The following C5orf15 variants were observed in gnomAD, a reference collection of about 807,000 sequenced individuals.
C5orf15 encodes the protein keratinocyte-associated transmembrane protein 2.
A neutral mutation model predicts 17.8 loss-of-function variants in C5orf15; 10 were observed. The observed-to-expected ratio is 0.56, with a 90% CI of 0.35 to 0.95. The LOEUF (loss-of-function observed/expected upper bound fraction) is 0.95, where lower values mean the gene tolerates loss of function less well. C5orf15 is among the 40% of genes least tolerant of loss of function. The pLI, the probability that C5orf15 is intolerant of heterozygous loss-of-function variation, is 0.02. For synonymous variants in C5orf15, 124 were observed against 131.0 expected, an observed-to-expected ratio of 0.95 and a Z score of 0.36; for missense variants, 319 against 331.7, an observed-to-expected ratio of 0.96 and a Z score of 0.30.
intron 2 of C5orf15, among the ~76,000 whole-genome samples, chr5:133,957,414 TA>T (rs1561573797): frequency 6.6e-6 from 1 of 151,990 alleles, no homozygotes; most frequent in Non-Finnish European, 1.5e-5. Context: ...TAAAGAAGGC[TA>T]AACAGTGCTT....
At position 133,955,757 on chromosome 5, in the gene C5orf15, T is replaced by G. The variant is rs1485754090; in HGVS notation, c.*1102A>C. 1 of 152,582 alleles carries G rather than the reference T, an allele frequency of 6.6e-6. No homozygotes were observed. Among genetic ancestry groups the G allele is most frequent in the Non-Finnish European group, 1.5e-5 (1 of 68,038 alleles). The allele number at this position is 152,582 out of a possible 1,614,324, so 9.5% of individuals were successfully genotyped here. On this transcript the variant is annotated 3_prime_UTR_variant, in exon 3 of 3. Transcript: ENST00000231512. Reference sequence around the variant, plus strand: ...TAACATATATTAGGGCTATGTTTTCTAAAAAGCTGTAGTGACACTTGTAAG... The same window carrying G: ...TAACATATATTAGGGCTATGTTTTCGAAAAAGCTGTAGTGACACTTGTAAG...
chr5:133,959,383 A>T, intron 2 of C5orf15, 111 bp downstream of exon 2: 1 of 723,966 alleles, frequency 1.4e-6, no homozygotes, highest in Non-Finnish European at 2.0e-6. Flanking sequence ...GACAGAGTGA[A>T]ACCCACTACA....
chr5:133,957,638 C>A (rs1752058509), intron 2 of C5orf15, among the ~76,000 whole-genome samples: 1 of 152,234 alleles, frequency 6.6e-6, no homozygotes. Flanking sequence ...ACTTACAAAG[C>A]TAGCAATATA....
intron 1 of C5orf15, among the ~76,000 whole-genome samples, chr5:133,963,901 C>T (rs1335733291): frequency 6.6e-6 from 1 of 152,128 alleles, no homozygotes; most frequent in Admixed American, 6.5e-5. Flanking sequence ...TCTACCTATA[C>T]CATAGAATAT....
Position 133,956,679 on chromosome 5 carries a change from C to A in C5orf15, c.*180G>T, listed in dbSNP as rs1250353642. The A allele has an allele frequency of 6.5e-6, 3 of 462,918 alleles. No homozygotes were observed. The highest frequency in any genetic ancestry group is 7.1e-6 in the Non-Finnish European group (2 of 280,556). 28.7% of individuals were successfully genotyped at this position (462,918 alleles called of 1,614,324 possible). On this transcript the variant is annotated 3_prime_UTR_variant, in exon 3 of 3. Transcript: ENST00000231512. ...ATTTTGGACACCTGATTAAACTCAG[C>A]TCTAAAAGTACAGATAAAAAATTAT...
intron 1 of C5orf15, 21 bp downstream of exon 1, chr5:133,968,425 C>G: frequency 6.2e-7 from 1 of 1,600,344 alleles, no homozygotes; most frequent in Non-Finnish European, 8.5e-7. Flanking sequence ...TTCCTAAGCC[C>G]ACACTGCCGC....
chr5:133,965,416 T>C (rs951118472), intron 1 of C5orf15, among the ~76,000 whole-genome samples: 1 of 152,154 alleles, frequency 6.6e-6, no homozygotes, highest in African/African-American at 2.4e-5. Context: ...AAACAAATAA[T>C]TGACCTGAAA....
At chr5:133,960,102 C>G in intron 1 of C5orf15, 82 bp from the exon 2 acceptor site, 1 of 1,191,596 alleles carries the variant, frequency 8.4e-7, no homozygotes, top group Non-Finnish European at 1.2e-6. Context: ...AAATTTTACA[C>G]TAAGCATTTC....
At position 133,956,532 on chromosome 5, in the gene C5orf15, C is replaced by G. The variant is rs566618405; in HGVS notation, c.*327G>C. ...TGTGAGTCAGCAGTAACAGATATGTCAGAATTTAGTTACAAGTTTGGGATC... is the reference window on the plus strand; with the variant it reads ...TGTGAGTCAGCAGTAACAGATATGTGAGAATTTAGTTACAAGTTTGGGATC... On this transcript the variant is annotated 3_prime_UTR_variant, in exon 3 of 3. Transcript: ENST00000231512. The G allele has an allele frequency of 2.3e-5, 4 of 171,646 alleles. No individual in the cohort carries two copies. The highest frequency in any genetic ancestry group is 4.9e-5 in the Non-Finnish European group (4 of 81,390). 10.6% of individuals were successfully genotyped at this position (171,646 alleles called of 1,614,324 possible).
rs541742390 is a variant in C5orf15, at chr5:133,964,756, A to AT, written c.139+3689dup. On this transcript the variant is annotated intron_variant, in intron 1 of 2. Coordinates refer to ENST00000231512, the MANE Select transcript of C5orf15 (RefSeq NM_020199.3). Reference sequence around the variant, plus strand: ...TAAAACTAAAAACCTTGGAGTTGTCATTTTTTTTAACATCCCACATCCAAT... The same window carrying AT: ...TAAAACTAAAAACCTTGGAGTTGTCATTTTTTTTTAACATCCCACATCCAAT... Among the ~76,000 whole-genome samples the AT allele has an allele frequency of 1.5e-3, 233 of 152,148 alleles. 1 individual carries two copies. Among genetic ancestry groups the AT allele is most frequent in the Admixed American group, 3.1e-3 (47 of 15,276 alleles).
chr5:133,958,576 CAAAAAAAAAAAAAAAAAA>C (rs71581378), intron 2 of C5orf15, among the ~76,000 whole-genome samples: 4 of 31,980 alleles, frequency 1.3e-4, no homozygotes, highest in Non-Finnish European at 2.8e-4. Flanking sequence ...AGCTCTGTCT[CAAAAAAAAAAAAAAAAAA>C]AAAAAAAAAA....
Position 133,959,823 on chromosome 5 carries a change from G to C in C5orf15, c.337C>G (p.Gln113Glu), listed in dbSNP as rs753588605. Residue 113 changes from glutamine (Q) to glutamate (E), a missense_variant, in exon 2 of 3, where the codon CAA becomes GAA. Transcript: ENST00000231512. ...TCTTCATTGTTATCAGCTTCCTCTT[G>C]AGACAGAGGAGTAGGCGAGGGATGA... ...VPHPSPTPLS[Q>E]EEADNNEDPS... The C allele has an allele frequency of 1.2e-6, 2 of 1,613,818 alleles. No individual in the cohort carries two copies. The highest frequency in any genetic ancestry group is 2.2e-5 in the South Asian group (2 of 91,060).
chr5:133,957,877 G>C (rs1456851766), intron 2 of C5orf15, among the ~76,000 whole-genome samples: 1 of 152,200 alleles, frequency 6.6e-6, no homozygotes, highest in African/African-American at 2.4e-5. Flanking sequence ...GTATTAAAAA[G>C]GAACTGTGTG....
rs1158315168 is a variant in C5orf15, at chr5:133,959,958, C to T, written c.202G>A (p.Val68Met). 9 of 1,613,986 alleles carry T rather than the reference C, an allele frequency of 5.6e-6. No homozygotes were observed. Among genetic ancestry groups the T allele is most frequent in the Admixed American group, 3.3e-5 (2 of 60,004 alleles). Reference sequence around the variant, plus strand: ...TGGTTTTCATGTGTTAAAGCATTCACATTTGGGGTAGAAATATGTGAGTTG... The same window carrying T: ...TGGTTTTCATGTGTTAAAGCATTCATATTTGGGGTAGAAATATGTGAGTTG... ...VLNSHISTPN[V>M]NALTHENQTK... The change falls in exon 2 of 3, where the codon GTG becomes ATG. Residue 68 changes from valine (V) to methionine (M), a missense_variant. Physicochemically the swap from Val to Met is conservative, Grantham distance 21. Transcript: ENST00000231512.
intron 2 of C5orf15, 22 bp downstream of exon 2, chr5:133,959,472 G>A (rs377179095): frequency 1.4e-4 from 186 of 1,337,298 alleles, no homozygotes; most frequent in Non-Finnish European, 1.7e-4. Context: ...ATAATAAAGG[G>A]CTAAAAAAAT....
intron 1 of C5orf15, among the ~76,000 whole-genome samples, chr5:133,961,863 C>G (rs558825423): frequency 1.3e-5 from 2 of 151,864 alleles, no homozygotes. Flanking sequence ...CTTGGCCTCC[C>G]AAAGTACTGG....
intron 1 of C5orf15, among the ~76,000 whole-genome samples, chr5:133,963,016 C>G (rs1211965119): frequency 2.0e-5 from 3 of 152,198 alleles, no homozygotes; most frequent in African/African-American, 7.2e-5. Context: ...AAATCAAGCT[C>G]TCTGACTACT....
At chr5:133,959,149 T>C (rs1009860808) in intron 2 of C5orf15, among the ~76,000 whole-genome samples, 2 of 152,098 alleles carry the variant, frequency 1.3e-5, no homozygotes, top group African/African-American at 4.8e-5. Context: ...GAGGACTGCT[T>C]GAGCCTGGGA....
intron 1 of C5orf15, among the ~76,000 whole-genome samples, chr5:133,966,429 A>T (rs1012575174): frequency 6.6e-6 from 1 of 152,176 alleles, no homozygotes; most frequent in Non-Finnish European, 1.5e-5. Context: ...ATATAATGGC[A>T]AATGTAGAGA....
Sources: gnomAD v4.1 joint callset for allele counts (sites outside exome capture counted in the v4.1 genomes callset) on GRCh38, gnomAD v4.1.1 for gene constraint, MANE v1.5 for transcripts, NCBI Gene and HGNC (gene_info 2026-07-23, HGNC 2026-07-21) for gene names.